The following ATRNL1 variants were observed in gnomAD, a reference collection of about 807,000 sequenced individuals.
ATRNL1 encodes the protein attractin like 1, also known as attractin-like protein 1.
In ATRNL1, 95 loss-of-function variants were observed where a neutral mutation model predicts 182.7. The observed-to-expected ratio is 0.52, with a 90% CI of 0.44 to 0.62. ATRNL1 has a LOEUF of 0.62. ATRNL1 is among the 20% of genes least tolerant of loss of function. ATRNL1 has a pLI of 0.00. For synonymous variants in ATRNL1, 576 were observed against 568.3 expected (o/e 1.01, Z -0.19); for missense variants, 1,471 against 1,679.5 (o/e 0.88, Z 2.17).
chr10:115,944,592 A>G, intron 28 of ATRNL1, 66 bp from the exon 29 acceptor site: 1 of 1,409,228 alleles, frequency 7.1e-7, no homozygotes, highest in Non-Finnish European at 9.5e-7. Flanking sequence ...AGGGCCCTTC[A>G]CCACCACTGT....
At chr10:115,611,454 G>A (rs1420574443) in intron 26 of ATRNL1, among the ~76,000 whole-genome samples, 2 of 151,962 alleles carry the variant, frequency 1.3e-5, no homozygotes, top group African/African-American at 2.4e-5. Context: ...TAGTTATTTT[G>A]TGTCCTTTTA....
chr10:115,891,668 G>A (rs1018836625), intron 28 of ATRNL1, among the ~76,000 whole-genome samples: 1 of 151,958 alleles, frequency 6.6e-6, no homozygotes, highest in Non-Finnish European at 1.5e-5. Context: ...AGATCACTTA[G>A]TTCCTTTTTG....
intron 25 of ATRNL1, among the ~76,000 whole-genome samples, chr10:115,527,482 C>A (rs1851282313): frequency 7.0e-6 from 1 of 142,632 alleles, no homozygotes; most frequent in African/African-American, 2.6e-5. Flanking sequence ...GTTGATAGAA[C>A]TGACCTATAA....
intron 26 of ATRNL1, among the ~76,000 whole-genome samples, chr10:115,603,005 A>G (rs1213396370): frequency 6.6e-6 from 1 of 152,202 alleles, no homozygotes; most frequent in African/African-American, 2.4e-5. Context: ...AGCCAGATGA[A>G]GAGGTACGTA....
intron 8 of ATRNL1, among the ~76,000 whole-genome samples, chr10:115,198,696 G>C (rs1448061441): frequency 2.6e-5 from 4 of 152,082 alleles, no homozygotes; most frequent in Non-Finnish European, 4.4e-5. Flanking sequence ...GATGTGAAAT[G>C]AGGGTCTAAT....
At chr10:115,851,712 A>T (rs1337308278) in intron 28 of ATRNL1, among the ~76,000 whole-genome samples, 1 of 152,198 alleles carries the variant, frequency 6.6e-6, no homozygotes, top group African/African-American at 2.4e-5. Context: ...TTCCCCGCCC[A>T]GTAAACCTGC....
intron 20 of ATRNL1, among the ~76,000 whole-genome samples, chr10:115,424,183 C>G (rs1554962446): frequency 6.6e-6 from 1 of 152,094 alleles, no homozygotes; most frequent in Non-Finnish European, 1.5e-5. Flanking sequence ...AGAAGAAACT[C>G]AACGTCACTC....
At chr10:115,805,445 A>G (rs185595538) in intron 27 of ATRNL1, among the ~76,000 whole-genome samples, 2 of 152,290 alleles carry the variant, frequency 1.3e-5, no homozygotes, top group East Asian at 3.9e-4. Flanking sequence ...CCGTAAAATA[A>G]TGGTTACATA....
intron 20 of ATRNL1, among the ~76,000 whole-genome samples, chr10:115,407,503 C>A (rs558666608): frequency 6.6e-6 from 1 of 152,010 alleles, no homozygotes; most frequent in East Asian, 1.9e-4. Flanking sequence ...CTATTCCTGG[C>A]TTATTTCACT....
At chr10:115,934,455 A>C (rs1555122395) in intron 28 of ATRNL1, among the ~76,000 whole-genome samples, 1 of 152,026 alleles carries the variant, frequency 6.6e-6, no homozygotes, top group Non-Finnish European at 1.5e-5. Flanking sequence ...AGGTCACCAA[A>C]TTCACTATGT....
At chr10:115,288,887 C>G (rs1277082251) in intron 15 of ATRNL1, among the ~76,000 whole-genome samples, 1 of 146,300 alleles carries the variant, frequency 6.8e-6, no homozygotes. Context: ...GATTGTGGTT[C>G]TTTTGCTGTT....
intron 26 of ATRNL1, among the ~76,000 whole-genome samples, chr10:115,664,744 TA>T (rs1555039179): frequency 2.0e-5 from 3 of 152,250 alleles, no homozygotes; most frequent in South Asian, 2.1e-4. Context: ...AAAAAATCAA[TA>T]TTTTTTTTCT....
chr10:115,928,266 TTTA>T (rs1555120752), intron 28 of ATRNL1, among the ~76,000 whole-genome samples: 1 of 152,066 alleles, frequency 6.6e-6, no homozygotes, highest in African/African-American at 2.4e-5. Flanking sequence ...AGCAAATTAA[TTTA>T]TTGTGTTTTT....
At chr10:115,380,237 T>C (rs1857921480) in intron 19 of ATRNL1, among the ~76,000 whole-genome samples, 1 of 152,236 alleles carries the variant, frequency 6.6e-6, no homozygotes, top group African/African-American at 2.4e-5. Context: ...GAGATGTGTG[T>C]ATTTATTTTA....
chr10:115,809,728 G>A (rs782277345), intron 27 of ATRNL1, among the ~76,000 whole-genome samples: 32 of 151,778 alleles, frequency 2.1e-4, no homozygotes, highest in Non-Finnish European at 8.8e-5. Context: ...AAACAATATT[G>A]TCATCTTCAA....
At chr10:115,534,355 G>T (rs1851817071) in intron 25 of ATRNL1, among the ~76,000 whole-genome samples, 1 of 152,150 alleles carries the variant, frequency 6.6e-6, no homozygotes, top group South Asian at 2.1e-4. Flanking sequence ...TTACCATTAT[G>T]TAATGGCCTT....
At chr10:115,291,844 G>A (rs1316112209) in intron 15 of ATRNL1, among the ~76,000 whole-genome samples, 1 of 143,068 alleles carries the variant, frequency 7.0e-6, no homozygotes, top group Non-Finnish European at 1.5e-5. Context: ...GTCCTTGTCT[G>A]GTTTTGGTAT....
rs782318588 is a variant in ATRNL1, at chr10:115,120,236, T to C, written c.345T>C (p.Tyr115=). 4.4e-6 allele frequency: 7 copies of C among 1,576,270 alleles called. No individual in the cohort carries two copies. The South Asian group carries it at 7.9e-5, about 18-fold the overall frequency. Reference sequence around the variant, plus strand: ...CAGATGGCCCAATTAACTATAAATATAAAACTAAATGTACTTGGCTCATTG... The same window carrying C: ...CAGATGGCCCAATTAACTATAAATACAAAACTAAATGTACTTGGCTCATTG... The part of the protein sequence containing the change: ...YLTDGPINYK[Y]KTKCTWLIEG... Residue 115 remains tyrosine, a synonymous_variant, in exon 2 of 29, where the codon TAT becomes TAC. Transcript: ENST00000355044.
chr10:115,550,511 T>C (rs1023402295), intron 26 of ATRNL1, among the ~76,000 whole-genome samples: 5 of 152,000 alleles, frequency 3.3e-5, no homozygotes, highest in South Asian at 2.1e-4. Flanking sequence ...GTACTATCTA[T>C]AATATATTTG....
Sources: gnomAD v4.1 joint callset for allele counts (sites outside exome capture counted in the v4.1 genomes callset) on GRCh38, gnomAD v4.1.1 for gene constraint, MANE v1.5 for transcripts, NCBI Gene and HGNC (gene_info 2026-07-23, HGNC 2026-07-21) for gene names.